Variants in TRPM8 observed in about 807,000 individuals in gnomAD.
TRPM8 encodes TRPM8 cationic channel.
Under a neutral mutation model 133.7 loss-of-function variants are expected in TRPM8, and 110 were observed. The observed-to-expected ratio is 0.82, with a 90% CI of 0.70 to 0.96. The LOEUF (loss-of-function observed/expected upper bound fraction) is 0.96, where lower values mean the gene tolerates loss of function less well. TRPM8 is among the 40% of genes least tolerant of loss of function. The probability of loss-of-function intolerance (pLI) is 0.00; values close to 1 mark genes in which losing one functional copy is unlikely to be tolerated. For synonymous variants in TRPM8, 535 were observed against 532.3 expected, an observed-to-expected ratio of 1.01 and a Z score of -0.07; for missense variants, 1,291 against 1,379.5, an observed-to-expected ratio of 0.94 and a Z score of 1.02.
intron 14 of TRPM8, among the ~76,000 whole-genome samples, chr2:233,965,466 C>A (rs1159589052): frequency 6.6e-6 from 1 of 152,216 alleles, no homozygotes; most frequent in Non-Finnish European, 1.5e-5. Flanking sequence ...GCCCTTTGCA[C>A]AGAGGCCTCG....
At chr2:233,919,707 C>A (rs1166810712) in intron 1 of TRPM8, among the ~76,000 whole-genome samples, 1 of 151,902 alleles carries the variant, frequency 6.6e-6, no homozygotes, top group African/African-American at 2.4e-5. Flanking sequence ...CAGTGCCTGG[C>A]ACATAATAGA....
intron 1 of TRPM8, among the ~76,000 whole-genome samples, chr2:233,922,080 C>T (rs970274072): frequency 1.3e-5 from 2 of 148,582 alleles, no homozygotes; most frequent in Non-Finnish European, 2.9e-5. Context: ...AAAGAGGTTA[C>T]AGTCGCAAGG....
At chr2:233,928,111 A>G (rs532894589) in intron 2 of TRPM8, among the ~76,000 whole-genome samples, 1 of 150,810 alleles carries the variant, frequency 6.6e-6, no homozygotes, top group Non-Finnish European at 1.5e-5. Context: ...CTGGGACTAC[A>G]GGCTCCCGCC....
chr2:233,939,038 A>G lies in TRPM8; in HGVS notation c.389A>G (p.Tyr130Cys), dbSNP rs1301830854. The change falls in exon 5 of 26, where the codon TAC (tyrosine) becomes TGC (cysteine). Residue 130 changes from tyrosine (Y) to cysteine (C), a missense_variant. Physicochemically the swap from Tyr to Cys is radical, Grantham distance 194. Around this residue, in one of 2 missense-constraint regions of TRPM8, gnomAD observed 963 missense variants for 968.9 expected, o/e 0.99. Coordinates refer to ENST00000324695, the MANE Select transcript of TRPM8 (RefSeq NM_024080.5). ...TGCGACACGGACGCGGAAATCCTTTACGAGCTGCTGACCCAGCACTGGCAC... is the reference window on the plus strand; with the variant it reads ...TGCGACACGGACGCGGAAATCCTTTGCGAGCTGCTGACCCAGCACTGGCAC... ...LSCDTDAEIL[Y>C]ELLTQHWHLK... 1.2e-6 allele frequency: 2 copies of G among 1,614,220 alleles called. No homozygotes were observed.
At chr2:233,994,353 T>C (rs980832692) in intron 21 of TRPM8, among the ~76,000 whole-genome samples, 6 of 152,240 alleles carry the variant, frequency 3.9e-5, no homozygotes, top group African/African-American at 1.4e-4. Flanking sequence ...TAGATTTGAC[T>C]GGCTGCACTA....
At position 233,937,354 on chromosome 2, in the gene TRPM8, G is replaced by A. The variant is rs1280265033; in HGVS notation, c.193G>A (p.Glu65Lys). Residue 65 changes from glutamate to lysine, a missense_variant and splice_region_variant, in exon 4 of 26, where the codon GAG (glutamate) becomes AAG (lysine). Glu to Lys is a moderately conservative substitution (Grantham distance 56). This residue lies in a region of TRPM8 where 963 missense variants were observed against 968.9 expected (regional missense o/e 0.99). Transcript: ENST00000324695. ...VFFTKDSKAT[E>K]NVCKCGYAQS... ...TGTCCACACCATCGTGCTTATCAGG[G>A]AGAATGTGTGCAAGTGTGGCTATGC... is the stretch of plus-strand genomic sequence containing the variant. 6.2e-7 allele frequency: 1 copy of A among 1,614,046 alleles called. No individual in the cohort carries two copies.
chr2:234,008,351 C>T (rs999672893), intron 24 of TRPM8, among the ~76,000 whole-genome samples: 2 of 152,196 alleles, frequency 1.3e-5, no homozygotes, highest in African/African-American at 4.8e-5. Flanking sequence ...AGGGCCCCCT[C>T]TTCTCTTTCT....
At position 233,982,341 on chromosome 2, in the gene TRPM8, T is replaced by C. The variant is rs139614028; in HGVS notation, c.2589+426T>C. ...GAACCTGAATCATGTAACTGTGTAATATAGATACAGGGAAAGGCTATAGCA... is the reference window on the plus strand; with the variant it reads ...GAACCTGAATCATGTAACTGTGTAACATAGATACAGGGAAAGGCTATAGCA... On this transcript the variant is annotated intron_variant, in intron 19 of 25. Coordinates refer to ENST00000324695, the MANE Select transcript of TRPM8 (RefSeq NM_024080.5). 2.0e-5 allele frequency among the ~76,000 whole-genome samples: 3 copies of C among 152,254 alleles called. No individual in the cohort carries two copies. In the East Asian group the frequency reaches 5.8e-4, roughly 29 times the overall value.
At chr2:233,971,946 A>G (rs1364416067) in intron 17 of TRPM8, among the ~76,000 whole-genome samples, 2 of 152,092 alleles carry the variant, frequency 1.3e-5, no homozygotes, top group Non-Finnish European at 2.9e-5. Context: ...GTCTGTTTTG[A>G]CAGGGCGCTG....
rs567691163 is a variant in TRPM8 at position 234,019,085 on chromosome 2, T to C, written c.*1829T>C. 1 of 152,308 alleles carries C rather than the reference T, an allele frequency of 6.6e-6. No individual in the cohort carries two copies. Among genetic ancestry groups the C allele is most frequent in the African/African-American group, 2.4e-5 (1 of 41,570 alleles). 9.4% of individuals were successfully genotyped at this position (152,308 alleles called of 1,614,324 possible). A position where few individuals can be genotyped will look rare whatever the true frequency, so the allele number is the denominator to read the frequency against. On this transcript the variant is annotated 3_prime_UTR_variant, in exon 26 of 26. Transcript: ENST00000324695. ...ATTTTAGAAGGAAGCTACTAAAAGA[T>C]CTAATTTGAAAAACTACAAAAGCAT...
chr2:233,929,719 C>G (rs539119136), intron 2 of TRPM8: 1 of 152,366 alleles, frequency 6.6e-6, no homozygotes, highest in South Asian at 2.1e-4. Context: ...GGCAATTCTG[C>G]CTTTCTCCAC....
In TRPM8 at chr2:233,927,796, TTTCCTTCCTTCC is replaced by T. The variant is rs1170295086; in HGVS notation, c.117+1189_117+1200del. On this transcript the variant is annotated intron_variant, in intron 2 of 25. Coordinates refer to ENST00000324695, the MANE Select transcript of TRPM8 (RefSeq NM_024080.5). ...TTTCTTTCTTTCTTTCTTTCTTTTC[TTTCCTTCCTTCC>T]TTCCTTCCTTCCTTCCTTCCTTCCT... Among the ~76,000 whole-genome samples, 238 of 25,548 alleles carry T rather than the reference TTTCCTTCCTTCC, an allele frequency of 9.3e-3. 19 individuals carry two copies. The highest frequency in any genetic ancestry group is 0.016 in the Admixed American group (37 of 2,278). The allele number at this position is 25,548 out of a possible 152,430, so 16.8% of individuals were successfully genotyped here.
rs533159142 is a variant in TRPM8 at position 233,973,901 on chromosome 2, G to A, written c.2355+3475G>A. On this transcript the variant is annotated intron_variant, in intron 17 of 25. Coordinates refer to ENST00000324695, the MANE Select transcript of TRPM8 (RefSeq NM_024080.5). ...GCTAGGAGCCCTGGAGCCACGGTGC[G>A]GGAGCTCACTCTGGGTGAGGCCCTG... Among the ~76,000 whole-genome samples, 7 of 152,332 alleles carry A rather than the reference G, an allele frequency of 4.6e-5. No individual in the cohort carries two copies. In the South Asian group the frequency reaches 1.5e-3, roughly 32 times the overall value.
At chr2:233,943,415 G>T (rs1176457889) in intron 6 of TRPM8, among the ~76,000 whole-genome samples, 1 of 152,110 alleles carries the variant, frequency 6.6e-6, no homozygotes, top group Non-Finnish European at 1.5e-5. Context: ...CATGTCCTTT[G>T]TAGGGACATG....
At chr2:233,982,493 C>T (rs1293425378) in intron 19 of TRPM8, among the ~76,000 whole-genome samples, 1 of 152,150 alleles carries the variant, frequency 6.6e-6, no homozygotes, top group African/African-American at 2.4e-5. Flanking sequence ...GAGATGAGCT[C>T]ATCTGGAAGC....
chr2:234,001,909 T>C (rs1205158216), intron 22 of TRPM8, among the ~76,000 whole-genome samples: 1 of 152,112 alleles, frequency 6.6e-6, no homozygotes. Context: ...GCCTACCACA[T>C]GATAGTGGGC....
chr2:233,942,071 C>CTTTTTTT (rs796852025), intron 5 of TRPM8, among the ~76,000 whole-genome samples: 9 of 111,666 alleles, frequency 8.1e-5, no homozygotes, highest in East Asian at 3.2e-4. Context: ...GGTCAAGAAT[C>CTTTTTTT]TTTTTTTTTT....
Position 234,008,063 on chromosome 2 carries a change from T to C in TRPM8, c.3231-7T>C, listed in dbSNP as rs777091058. The C allele has an allele frequency of 1.2e-6, 2 of 1,609,420 alleles. No individual in the cohort carries two copies. Among genetic ancestry groups the C allele is most frequent in the Admixed American group, 1.7e-5 (1 of 59,018 alleles). Reference sequence around the variant, plus strand: ...GTTCACTTTCTTTTTCATTAACTTCTTTGCAGAATGAGGCATCGATTTAGA... The same window carrying C: ...GTTCACTTTCTTTTTCATTAACTTCCTTGCAGAATGAGGCATCGATTTAGA... On this transcript the variant is annotated splice_region_variant and splice_polypyrimidine_tract_variant and intron_variant, in intron 23 of 25. Transcript: ENST00000324695.
intron 15 of TRPM8, chr2:233,968,285 G>C (rs1691626207): frequency 6.6e-6 from 1 of 152,268 alleles, no homozygotes. Flanking sequence ...GTTTATTCTG[G>C]AGGTGAACCT....
Sources: gnomAD v4.1 joint callset for allele counts (sites outside exome capture counted in the v4.1 genomes callset) on GRCh38, gnomAD v4.1.1 for gene constraint, gnomAD v4.1.1 regional missense constraint, MANE v1.5 for transcripts, NCBI Gene and HGNC (gene_info 2026-07-23, HGNC 2026-07-21) for gene names.